Variants in MORC3 observed in about 807,000 individuals in gnomAD.
MORC3 encodes MORC family CW-type zinc finger 3.
A neutral mutation model predicts 109.1 loss-of-function variants in MORC3; 31 were observed. The observed-to-expected ratio is 0.28, with a 90% CI of 0.21 to 0.38. The LOEUF is 0.38. MORC3 is among the 10% of genes least tolerant of loss of function. MORC3 has a pLI of 1.00. For synonymous variants in MORC3, 395 were observed against 380.7 expected (o/e 1.04, Z -0.44); for missense variants, 867 against 1,135.8 (o/e 0.76, Z 3.40).
intron 9 of MORC3, among the ~76,000 whole-genome samples, chr21:36,351,057 CTTTTTTTTTTTT>C (rs748042243): frequency 2.7e-4 from 19 of 71,432 alleles, no homozygotes; most frequent in African/African-American, 6.9e-4. Flanking sequence ...GGTTGTCCTC[CTTTTTTTTTTTT>C]TTTTTTTTTT....
intron 10 of MORC3, among the ~76,000 whole-genome samples, chr21:36,359,556 C>CTTTTTTTTTTTTT (rs5843757): frequency 2.1e-5 from 2 of 93,936 alleles, no homozygotes; most frequent in African/African-American, 9.6e-5. Flanking sequence ...CTTTCCTCTC[C>CTTTTTTTTTTTTT]TTTTTTTTTT....
chr21:36,375,446 ATAT>A lies in MORC3; in HGVS notation c.*152_*154del. On this transcript the variant is annotated 3_prime_UTR_variant, in exon 17 of 17. Coordinates refer to ENST00000400485, the MANE Select transcript of MORC3 (RefSeq NM_015358.3). Reference sequence around the variant, plus strand: ...TCTATGCATTCAAATGTGGTCACAAATATTGTGGACACATTATCTTATGTTTTG... The same window carrying A: ...TCTATGCATTCAAATGTGGTCACAAATGTGGACACATTATCTTATGTTTTG... The A allele has an allele frequency of 1.5e-6, 1 of 673,576 alleles. No individual in the cohort carries two copies. Among genetic ancestry groups the A allele is most frequent in the South Asian group, 2.2e-5 (1 of 45,960 alleles). The allele number at this position is 673,576 out of a possible 1,614,324, so 41.7% of individuals were successfully genotyped here.
At chr21:36,320,480 G>A (rs998476722) in intron 1 of MORC3, 177 bp downstream of exon 1, 1 of 535,268 alleles carries the variant, frequency 1.9e-6, no homozygotes, top group Non-Finnish European at 2.8e-6. Flanking sequence ...TCGGCTGCGG[G>A]CCGGGCTGCG....
chr21:36,361,028 C>T (rs932963333), intron 12 of MORC3, among the ~76,000 whole-genome samples: 2 of 150,246 alleles, frequency 1.3e-5, no homozygotes, highest in African/African-American at 4.9e-5. Context: ...GCCAAGATCG[C>T]ATCACTGCAC....
In MORC3 at chr21:36,371,814, TG is replaced by T. The variant is rs1341847088; in HGVS notation, c.2509-559del. On this transcript the variant is annotated intron_variant, in intron 15 of 16. Transcript: ENST00000400485. ...TTGGTTTTTCTGTTTTGTTTTGTTT[TG>T]TTTTTTTTTTTTTTTGAGATGGAAC... Among the ~76,000 whole-genome samples, 1,279 of 127,926 alleles carry T rather than the reference TG, an allele frequency of 1.0e-2. 20 individuals carry two copies. Among genetic ancestry groups the T allele is most frequent in the African/African-American group, 0.048 (1,195 of 24,806 alleles). The allele number at this position is 127,926 out of a possible 152,430, so 83.9% of individuals were successfully genotyped here. A position where few individuals can be genotyped will look rare whatever the true frequency, so the allele number is the denominator to read the frequency against.
At position 36,349,372 on chromosome 21, in the gene MORC3, A is replaced by G; in HGVS notation, c.1067A>G (p.His356Arg). Residue 356 changes from histidine (H) to arginine (R), a missense_variant, in exon 9 of 17, where the codon CAT (histidine) becomes CGT (arginine). Coordinates refer to ENST00000400485, the MANE Select transcript of MORC3 (RefSeq NM_015358.3). ...GAGTGTAATTTCCTTAAGCCAACTCATAATAAACAAGATTTCGACTATACT... is the reference window on the plus strand; with the variant it reads ...GAGTGTAATTTCCTTAAGCCAACTCGTAATAAACAAGATTTCGACTATACT... ...IIECNFLKPTHNKQDFDYTNE... is the reference protein window; with the variant it reads ...IIECNFLKPTRNKQDFDYTNE... 1 of 1,610,642 alleles carries G rather than the reference A, an allele frequency of 6.2e-7. No individual in the cohort carries two copies. Among genetic ancestry groups the G allele is most frequent in the Non-Finnish European group, 8.5e-7 (1 of 1,178,672 alleles).
chr21:36,335,153 C>A (rs778191998), intron 2 of MORC3, among the ~76,000 whole-genome samples: 1 of 152,034 alleles, frequency 6.6e-6, no homozygotes, highest in Non-Finnish European at 1.5e-5. Flanking sequence ...AAGAAAAATT[C>A]ATGCACACAA....
chr21:36,372,292 T>A, intron 15 of MORC3, 82 bp from the exon 16 acceptor site: 1 of 1,240,902 alleles, frequency 8.1e-7, no homozygotes, highest in Non-Finnish European at 1.1e-6. Flanking sequence ...TCAAGCAGGT[T>A]CTCTATATTA....
At chr21:36,342,310 A>G (rs924077600) in intron 6 of MORC3, among the ~76,000 whole-genome samples, 3 of 152,206 alleles carry the variant, frequency 2.0e-5, no homozygotes, top group Admixed American at 2.0e-4. Context: ...GCAATAAATT[A>G]TAGACTATAG....
chr21:36,330,879 T>A (rs1306061898), intron 1 of MORC3, among the ~76,000 whole-genome samples: 1 of 152,208 alleles, frequency 6.6e-6, no homozygotes, highest in Non-Finnish European at 1.5e-5. Context: ...GAACTGTTTG[T>A]GATGTGTGCT....
intron 14 of MORC3, among the ~76,000 whole-genome samples, chr21:36,366,031 A>AT (rs1191956126): frequency 1.3e-5 from 2 of 152,294 alleles, no homozygotes; most frequent in South Asian, 2.1e-4. Flanking sequence ...GATTAAAGGT[A>AT]TTTTTAATGA....
intron 8 of MORC3, chr21:36,348,137 T>C (rs1310187974): frequency 2.0e-5 from 3 of 152,244 alleles, no homozygotes; most frequent in Non-Finnish European, 4.4e-5. Flanking sequence ...TAGTCACACG[T>C]AGATAATCAG....
At chr21:36,327,151 A>ATTT (rs2085256618) in intron 1 of MORC3, among the ~76,000 whole-genome samples, 11 of 78,204 alleles carry the variant, frequency 1.4e-4, no homozygotes, top group South Asian at 5.0e-4. Context: ...AATTGGCTTT[A>ATTT]TTTCTTTTTT....
rs376510722 is a variant in MORC3, at chr21:36,360,145, G to A, written c.1332-39G>A. ...TACTGTTCACAGTGTATGAATAGGC[G>A]CTGGTGACATGTTATTCCTATGTGA... On this transcript the variant is annotated intron_variant, in intron 11 of 16. Coordinates refer to ENST00000400485, the MANE Select transcript of MORC3 (RefSeq NM_015358.3). The A allele has an allele frequency of 2.0e-5, 33 of 1,613,746 alleles. 1 individual carries two copies. The East Asian group carries it at 6.0e-4, about 29-fold the overall frequency.
intron 10 of MORC3, among the ~76,000 whole-genome samples, chr21:36,357,771 C>T (rs551692590): frequency 7.1e-6 from 1 of 141,600 alleles, no homozygotes; most frequent in Non-Finnish European, 1.5e-5. Context: ...AATGGAGTCT[C>T]ACTCTGTCAC....
chr21:36,371,874 C>T (rs962924791), intron 15 of MORC3, among the ~76,000 whole-genome samples: 3 of 149,312 alleles, frequency 2.0e-5, no homozygotes, highest in African/African-American at 7.5e-5. Flanking sequence ...AGTGCAATGG[C>T]GTGATCTCAG....
intron 9 of MORC3, among the ~76,000 whole-genome samples, chr21:36,350,855 A>G (rs2085562739): frequency 6.6e-6 from 1 of 152,120 alleles, no homozygotes; most frequent in Non-Finnish European, 1.5e-5. Flanking sequence ...ACTATTTAAA[A>G]CAATACATAA....
chr21:36,326,487 C>G (rs2085249423), intron 1 of MORC3, among the ~76,000 whole-genome samples: 1 of 152,116 alleles, frequency 6.6e-6, no homozygotes, highest in Admixed American at 6.6e-5. Context: ...CCACCGCACT[C>G]CAGCCTGGAC....
chr21:36,329,002 A>C (rs2085282265), intron 1 of MORC3, among the ~76,000 whole-genome samples: 1 of 151,980 alleles, frequency 6.6e-6, no homozygotes, highest in South Asian at 2.1e-4. Flanking sequence ...CGTTTTAAGA[A>C]AGTTTACAGG....
Sources: allele counts gnomAD v4.1 joint callset (sites outside exome capture counted in the v4.1 genomes callset), GRCh38; gene constraint gnomAD v4.1.1; transcripts MANE v1.5; gene names NCBI Gene and HGNC (gene_info 2026-07-23, HGNC 2026-07-21).